Variants in ACADL observed in about 807,000 individuals in gnomAD.
ACADL encodes the protein long-chain specific acyl-CoA dehydrogenase, mitochondrial.
In ACADL, 60 loss-of-function variants were observed where a neutral mutation model predicts 56.9. That is an observed-to-expected ratio of 1.05 (90% CI 0.86 to 1.31). The LOEUF is 1.31. ACADL is among the 50% of genes most tolerant of loss of function. The pLI is 0.00. For missense variants in ACADL, 484 were observed against 525.5 expected (o/e 0.92, Z 0.77); for synonymous variants, 158 against 179.7 (o/e 0.88, Z 0.97).
intron 5 of ACADL, 151 bp from the exon 6 acceptor site, chr2:210,205,947 G>A: frequency 1.2e-6 from 1 of 854,030 alleles, no homozygotes; most frequent in Non-Finnish European, 1.9e-6. Flanking sequence ...CTGCAAAGTT[G>A]ATTATTCACA....
chr2:210,203,863 T>C (rs376542320), intron 7 of ACADL, among the ~76,000 whole-genome samples: 1 of 152,152 alleles, frequency 6.6e-6, no homozygotes, highest in East Asian at 1.9e-4. Context: ...ATTATATATA[T>C]GCAATTTAAT....
Position 210,195,744 on chromosome 2 carries a change from T to C in ACADL, c.985-406A>G, listed in dbSNP as rs2125709500. 2.0e-5 allele frequency among the ~76,000 whole-genome samples: 3 copies of C among 152,316 alleles called. No individual in the cohort carries two copies. In the South Asian group the frequency reaches 6.2e-4, roughly 32 times the overall value. On this transcript the variant is annotated intron_variant, in intron 8 of 10. Coordinates refer to ENST00000233710, the MANE Select transcript of ACADL (RefSeq NM_001608.4). ...TTAAATCCTTGAAGATTTTTTTCTT[T>C]ATTAATGAAATTAAGTATACAGATT...
chr2:210,212,929 G>C (rs1689009918), intron 4 of ACADL, among the ~76,000 whole-genome samples: 2 of 152,152 alleles, frequency 1.3e-5, no homozygotes, highest in South Asian at 4.1e-4. Context: ...CTGAGAATCT[G>C]GATTTCAGGA....
chr2:210,199,482 A>G (rs1688760973), intron 8 of ACADL, among the ~76,000 whole-genome samples: 2 of 152,166 alleles, frequency 1.3e-5, no homozygotes, highest in South Asian at 4.1e-4. Context: ...CAATAAATAT[A>G]TATTTTAAAA....
intron 1 of ACADL, 109 bp from the exon 2 acceptor site, chr2:210,220,911 C>T: frequency 2.2e-6 from 2 of 923,124 alleles, no homozygotes; most frequent in Non-Finnish European, 3.2e-6. Context: ...ACTTGAGAGG[C>T]AAGTAGAAAG....
chr2:210,208,941 G>T (rs1339199353), intron 5 of ACADL, among the ~76,000 whole-genome samples: 1 of 152,150 alleles, frequency 6.6e-6, no homozygotes, highest in Non-Finnish European at 1.5e-5. Context: ...AAAACCCTAT[G>T]GCTGAGCAGA....
chr2:210,216,252 C>T lies in ACADL; in HGVS notation c.536+95G>A, dbSNP rs1689083754. 2.0e-5 allele frequency: 27 copies of T among 1,375,858 alleles called. No individual in the cohort carries two copies. The South Asian group carries it at 2.9e-4, about 15-fold the overall frequency. 85.2% of individuals were successfully genotyped at this position (1,375,858 alleles called of 1,614,324 possible). On this transcript the variant is annotated intron_variant, in intron 4 of 10. Transcript: ENST00000233710. ...ATCCCGTGTTCATCTTTGCCTTCCTCCTAGCATATAGCTCAGTCTATGTAT... is the reference window on the plus strand; with the variant it reads ...ATCCCGTGTTCATCTTTGCCTTCCTTCTAGCATATAGCTCAGTCTATGTAT...
intron 8 of ACADL, among the ~76,000 whole-genome samples, chr2:210,202,379 C>T (rs1354143053): frequency 6.6e-6 from 1 of 152,204 alleles, no homozygotes; most frequent in Non-Finnish European, 1.5e-5. Flanking sequence ...AGGCGTGAGT[C>T]AGTGTGCCTG....
intron 8 of ACADL, among the ~76,000 whole-genome samples, chr2:210,202,676 C>T (rs1225520792): frequency 6.6e-6 from 1 of 152,042 alleles, no homozygotes. Flanking sequence ...AATATGCACC[C>T]GCATTCCCAT....
At chr2:210,214,206 T>C (rs925751653) in intron 4 of ACADL, among the ~76,000 whole-genome samples, 1 of 152,098 alleles carries the variant, frequency 6.6e-6, no homozygotes, top group Non-Finnish European at 1.5e-5. Flanking sequence ...ACCAAAAATA[T>C]AGACAGTGCT....
intron 5 of ACADL, chr2:210,209,836 A>G (rs1688949006): frequency 1.5e-5 from 3 of 200,790 alleles, no homozygotes; most frequent in South Asian, 8.8e-5. Context: ...TTCTTGATCT[A>G]TATGAGAAAG....
At chr2:210,203,211 C>G in intron 8 of ACADL, 120 bp downstream of exon 8, 1 of 731,430 alleles carries the variant, frequency 1.4e-6, no homozygotes, top group East Asian at 2.7e-5. Flanking sequence ...TGATCTCATC[C>G]ACTTCCATGG....
Position 210,195,341 on chromosome 2 carries a change from T to C in ACADL, c.985-3A>G. ...TCTGCTAATTTATGTTGCACTGTCT[T>C]GAATTTAAAGGAAATAAAAGAAAAA... On this transcript the variant is annotated splice_polypyrimidine_tract_variant and splice_region_variant and intron_variant, in intron 8 of 10. Transcript: ENST00000233710. 6.2e-7 allele frequency: 1 copy of C among 1,611,508 alleles called. No individual in the cohort carries two copies. The highest frequency in any genetic ancestry group is 8.5e-7 in the Non-Finnish European group (1 of 1,177,694).
At chr2:210,202,160 T>C (rs922824690) in intron 8 of ACADL, among the ~76,000 whole-genome samples, 2 of 152,182 alleles carry the variant, frequency 1.3e-5, no homozygotes, top group African/African-American at 4.8e-5. Flanking sequence ...TGGTGCGATC[T>C]TGGCTCACTG....
At chr2:210,223,396 C>T (rs1689209257) in intron 1 of ACADL, among the ~76,000 whole-genome samples, 1 of 152,132 alleles carries the variant, frequency 6.6e-6, no homozygotes, top group South Asian at 2.1e-4. Context: ...ACAATCTCCA[C>T]CAGCACCTTC....
rs1243949067 is a variant in ACADL at position 210,205,647 on chromosome 2, C to T, written c.753G>A (p.Met251Ile). The T allele has an allele frequency of 6.2e-7, 1 of 1,613,696 alleles. No individual in the cohort carries two copies. The highest frequency in any genetic ancestry group is 1.3e-5 in the African/African-American group (1 of 74,912). ...GFIKGRKLHK[M>I]GLKAQDTAEL... ...TATCACTCACCTGGGCTTTTAATCC[C>T]ATTTTATGTAGCTTTCGTCCCTTGA... is the stretch of plus-strand genomic sequence containing the variant. Residue 251 changes from methionine to isoleucine, a missense_variant, in exon 6 of 11, where the codon ATG becomes ATA. Physicochemically the swap from Met to Ile is conservative, Grantham distance 10. Coordinates refer to ENST00000233710, the MANE Select transcript of ACADL (RefSeq NM_001608.4).
rs1296029221 is a variant in ACADL at position 210,188,089 on chromosome 2, GTTTA to G, written c.*868_*871del. 6.6e-6 allele frequency: 1 copy of G among 151,654 alleles called. No homozygotes were observed. The highest frequency in any genetic ancestry group is 1.5e-5 in the Non-Finnish European group (1 of 67,912). The allele number at this position is 151,654 out of a possible 1,614,324, so 9.4% of individuals were successfully genotyped here. A position where few individuals can be genotyped will look rare whatever the true frequency, so the allele number is the denominator to read the frequency against. On this transcript the variant is annotated 3_prime_UTR_variant, in exon 11 of 11. Coordinates refer to ENST00000233710, the MANE Select transcript of ACADL (RefSeq NM_001608.4). ...TCTTACCTTATTTTACTACTTATTT[GTTTA>G]TTCACTTATTTTTTAGTGATCTTGC...
chr2:210,194,363 A>G (rs1688676842), intron 9 of ACADL, among the ~76,000 whole-genome samples: 1 of 152,188 alleles, frequency 6.6e-6, no homozygotes, highest in African/African-American at 2.4e-5. Context: ...ACTGAACACA[A>G]GTTAATGAAT....
At chr2:210,216,575 A>C in intron 3 of ACADL, 64 bp from the exon 4 acceptor site, 1 of 1,450,548 alleles carries the variant, frequency 6.9e-7, no homozygotes, top group Non-Finnish European at 9.5e-7. Flanking sequence ...CTATTATAAC[A>C]ACAATGTATT....
Sources: allele counts gnomAD v4.1 joint callset (sites outside exome capture counted in the v4.1 genomes callset), GRCh38; gene constraint gnomAD v4.1.1; transcripts MANE v1.5; gene names NCBI Gene and HGNC (gene_info 2026-07-23, HGNC 2026-07-21).